The following DRC11 variants were observed in gnomAD, a reference collection of about 807,000 sequenced individuals.
DRC11 encodes IQ and AAA domain-containing protein 1.
chr2:236,365,235 G>C, the DRC11 span, among the ~76,000 whole-genome samples: 5 of 151,986 alleles, frequency 3.3e-5, no homozygotes, highest in Admixed American at 3.3e-4. This position sits in a 1 kb window ranked among gnomAD's most constrained non-coding sequence, Gnocchi z 7.4. Context: ...AGCTGAACCT[G>C]AGTTGCCATA....
chr2:236,468,667 T>C, the DRC11 span, among the ~76,000 whole-genome samples: 1 of 152,186 alleles, frequency 6.6e-6, no homozygotes, highest in Non-Finnish European at 1.5e-5. Context: ...TCATTCCTCG[T>C]GCTTACATCT....
At chr2:236,416,755 AT>A in the DRC11 span, among the ~76,000 whole-genome samples, 22 of 81,964 alleles carry the variant, frequency 2.7e-4, no homozygotes, top group African/African-American at 8.1e-4. Flanking sequence ...ATATATATAT[AT>A]ATATATATAT....
At chr2:236,459,557 A>ATATACG in the DRC11 span, among the ~76,000 whole-genome samples, 566 of 143,478 alleles carry the variant, frequency 3.9e-3, 8 homozygotes, top group African/African-American at 0.013. Context: ...GTATACATGT[A>ATATACG]TACGTATATA....
At chr2:236,490,454 A>T in the DRC11 span, among the ~76,000 whole-genome samples, 1 of 152,312 alleles carries the variant, frequency 6.6e-6, no homozygotes, top group East Asian at 1.9e-4. This position sits in a 1 kb window ranked among gnomAD's most constrained non-coding sequence, Gnocchi z 5.5. Context: ...TTTCAGTAAG[A>T]TTTCACCGCT....
chr2:236,419,789 A>C, the DRC11 span, among the ~76,000 whole-genome samples: 5 of 152,304 alleles, frequency 3.3e-5, no homozygotes, highest in Admixed American at 2.6e-4. This position sits in a 1 kb window ranked among gnomAD's most constrained non-coding sequence, Gnocchi z 4.8. Flanking sequence ...ATCCTCCTAA[A>C]TTATAAAATA....
chr2:236,439,818 T>G, the DRC11 span, among the ~76,000 whole-genome samples: 1 of 152,182 alleles, frequency 6.6e-6, no homozygotes, highest in South Asian at 2.1e-4. Context: ...ACCTAACAAT[T>G]TTATTTCCTT....
the DRC11 span, among the ~76,000 whole-genome samples, chr2:236,353,061 ACT>A: frequency 5.9e-5 from 9 of 151,404 alleles, no homozygotes; most frequent in East Asian, 7.7e-4. This position sits in a 1 kb window ranked among gnomAD's most constrained non-coding sequence, Gnocchi z 5.0. Flanking sequence ...ATAGTAAAAA[ACT>A]CTCTGCCAAT....
At chr2:236,451,380 T>G in the DRC11 span, among the ~76,000 whole-genome samples, 2 of 151,262 alleles carry the variant, frequency 1.3e-5, no homozygotes, top group African/African-American at 2.4e-5. Flanking sequence ...TATATATAGA[T>G]ATATATGAGT....
At chr2:236,420,033 A>T in the DRC11 span, among the ~76,000 whole-genome samples, 14 of 152,294 alleles carry the variant, frequency 9.2e-5, no homozygotes, top group African/African-American at 3.4e-4. This position sits in a 1 kb window ranked among gnomAD's most constrained non-coding sequence, Gnocchi z 4.8. Context: ...CAAGCTGCAT[A>T]AGCTCTCTGA....
the DRC11 span, among the ~76,000 whole-genome samples, chr2:236,459,516 TACATGTATACATGTATAC>T: frequency 1.2e-4 from 12 of 99,064 alleles, no homozygotes; most frequent in Non-Finnish European, 1.8e-4. Context: ...CGTATACGTA[TACATGTATACATGTATAC>T]GTATACGTAT....
chr2:236,422,586 T>C, the DRC11 span, among the ~76,000 whole-genome samples: 63 of 152,310 alleles, frequency 4.1e-4, no homozygotes, highest in African/African-American at 1.3e-3. Flanking sequence ...TCCATGCTCA[T>C]GGGTAGGAAG....
chr2:236,404,959 G>C, the DRC11 span, among the ~76,000 whole-genome samples: 3 of 152,114 alleles, frequency 2.0e-5, no homozygotes, highest in African/African-American at 7.2e-5. Context: ...CCGCGGAAGG[G>C]GCAAAGCAGC....
chr2:236,500,530 A>T, the DRC11 span, among the ~76,000 whole-genome samples: 1 of 152,192 alleles, frequency 6.6e-6, no homozygotes, highest in Non-Finnish European at 1.5e-5. The surrounding 1 kb of genome is among the most constrained non-coding windows in gnomAD (Gnocchi z 6.3). Flanking sequence ...AGCACGTCCG[A>T]ATGCCAGATT....
the DRC11 span, among the ~76,000 whole-genome samples, chr2:236,473,560 T>C: frequency 6.6e-6 from 1 of 152,208 alleles, no homozygotes; most frequent in Non-Finnish European, 1.5e-5. The surrounding 1 kb of genome is among the most constrained non-coding windows in gnomAD (Gnocchi z 4.8). Context: ...ATGCAAACAC[T>C]GATAGCTTCA....
At chr2:236,463,295 G>C in the DRC11 span, among the ~76,000 whole-genome samples, 1 of 152,166 alleles carries the variant, frequency 6.6e-6, no homozygotes, top group Non-Finnish European at 1.5e-5. The surrounding 1 kb of genome is among the most constrained non-coding windows in gnomAD (Gnocchi z 5.0). Flanking sequence ...AGAGGGGTAT[G>C]TGCACATCAA....
chr2:236,363,722 T>C, the DRC11 span: 20 of 1,313,308 alleles, frequency 1.5e-5, no homozygotes, highest in Non-Finnish European at 2.2e-5. The surrounding 1 kb of genome is among the most constrained non-coding windows in gnomAD (Gnocchi z 5.6). Flanking sequence ...TCTGCAGGGT[T>C]TGAAAATGTA....
At chr2:236,353,215 G>A in the DRC11 span, among the ~76,000 whole-genome samples, 2 of 152,140 alleles carry the variant, frequency 1.3e-5, no homozygotes, top group African/African-American at 4.8e-5. The surrounding 1 kb of genome is among the most constrained non-coding windows in gnomAD (Gnocchi z 5.0). Context: ...GAGTTCTGTC[G>A]GGTAGTTCAC....
At chr2:236,481,194 T>G in the DRC11 span, among the ~76,000 whole-genome samples, 1 of 152,214 alleles carries the variant, frequency 6.6e-6, no homozygotes, top group Non-Finnish European at 1.5e-5. Context: ...GTCCTGCCTT[T>G]CCCTTTGTCT....
chr2:236,487,155 A>G, the DRC11 span, among the ~76,000 whole-genome samples: 2 of 152,248 alleles, frequency 1.3e-5, no homozygotes, highest in Admixed American at 6.5e-5. Flanking sequence ...CAAGAGGAAC[A>G]TTCTAGGTAG....
Sources: gnomAD v4.1 joint callset for allele counts (sites outside exome capture counted in the v4.1 genomes callset) on GRCh38, gnomAD v4.1.1 for gene constraint, Gnocchi (gnomAD v3.1) non-coding constraint, MANE v1.5 for transcripts, NCBI Gene and HGNC (gene_info 2026-07-23, HGNC 2026-07-21) for gene names.